Variants in TRAF5 observed in about 807,000 individuals in gnomAD.
TRAF5 encodes the protein TNF receptor associated factor 5.
A neutral mutation model predicts 64.5 loss-of-function variants in TRAF5; 48 were observed. The ratio of observed to expected loss-of-function variants is 0.74; its 90% confidence interval spans 0.59 to 0.95. The LOEUF (loss-of-function observed/expected upper bound fraction) is 0.95, where lower values mean the gene tolerates loss of function less well. Among genes scored for constraint, TRAF5 ranks in the 40% least tolerant of loss-of-function variants. TRAF5 has a pLI of 0.00. For synonymous variants in TRAF5, 206 were observed against 240.5 expected (o/e 0.86, Z 1.33); for missense variants, 545 against 662.8 (o/e 0.82, Z 1.95).
At chr1:211,371,704 CAA>C (rs1288277162) in intron 10 of TRAF5, among the ~76,000 whole-genome samples, 1 of 152,046 alleles carries the variant, frequency 6.6e-6, no homozygotes, top group Non-Finnish European at 1.5e-5. Flanking sequence ...AACAGGCCAG[CAA>C]ATTCCAAGAA....
chr1:211,326,819 C>A, upstream of TRAF5: 2 of 984,216 alleles, frequency 2.0e-6, no homozygotes, highest in Non-Finnish European at 2.4e-6. This position sits in a 1 kb window ranked among gnomAD's most constrained non-coding sequence, Gnocchi z 5.0. Context: ...TCGCCGCCGC[C>A]GCCGGCCGCA....
chr1:211,326,739 C>T (rs1364702865), upstream of TRAF5: 10 of 985,620 alleles, frequency 1.0e-5, no homozygotes, highest in African/African-American at 1.7e-5. The surrounding 1 kb of genome is among the most constrained non-coding windows in gnomAD (Gnocchi z 5.0). Flanking sequence ...CCTGCGCGTC[C>T]GCTCTTCCCC....
At chr1:211,350,418 A>G (rs1260101837) in intron 1 of TRAF5, among the ~76,000 whole-genome samples, 2 of 107,988 alleles carry the variant, frequency 1.9e-5, no homozygotes, top group African/African-American at 6.1e-5. Context: ...AAACAAAAAC[A>G]AAAACCCTGT....
intron 1 of TRAF5, among the ~76,000 whole-genome samples, chr1:211,337,425 A>G (rs144303422): frequency 0.014 from 2,135 of 152,294 alleles, 30 homozygotes; most frequent in Non-Finnish European, 0.02. Context: ...GGAAGTAAGG[A>G]CACAGAGAAT....
At chr1:211,337,854 G>T (rs1702344808) in intron 1 of TRAF5, among the ~76,000 whole-genome samples, 1 of 152,178 alleles carries the variant, frequency 6.6e-6, no homozygotes, top group South Asian at 2.1e-4. Context: ...AGCAGGTTGG[G>T]TGGGGATTTG....
intron 1 of TRAF5, among the ~76,000 whole-genome samples, chr1:211,333,491 G>A (rs145479750): frequency 2.7e-5 from 4 of 149,522 alleles, no homozygotes; most frequent in Admixed American, 6.7e-5. Context: ...CGTGAGCCAC[G>A]GTGCCCAGTC....
intron 1 of TRAF5, among the ~76,000 whole-genome samples, chr1:211,346,792 G>A (rs768360212): frequency 5.9e-5 from 9 of 152,180 alleles, no homozygotes; most frequent in East Asian, 1.9e-4. Context: ...AAATGAATCC[G>A]TAGAGATACG....
chr1:211,346,567 A>C (rs1312373189), intron 1 of TRAF5: 2 of 350,860 alleles, frequency 5.7e-6, no homozygotes, highest in Non-Finnish European at 8.0e-6. Flanking sequence ...TATGCACTAT[A>C]ACATAATATA....
chr1:211,360,800 CTG>C, intron 6 of TRAF5, 21 bp downstream of exon 6: 4 of 1,596,366 alleles, frequency 2.5e-6, no homozygotes, highest in Non-Finnish European at 3.4e-6. Context: ...ATAATCCTCT[CTG>C]TAGATTTTAT....
At position 211,371,446 on chromosome 1, in the gene TRAF5, C is replaced by G. The variant is rs752322397; in HGVS notation, c.1075C>G (p.Leu359Val). 23 of 1,606,696 alleles carry G rather than the reference C, an allele frequency of 1.4e-5. No homozygotes were observed. The South Asian group carries it at 2.6e-4, about 18-fold the overall frequency. ...TACAGTGAAACAGAAAATTACCCTG[C>G]TAGAAAACAATGATCAAAGATTAGG... The part of the protein sequence containing the change: ...VDTVKQKITL[L>V]ENNDQRLAVL... The change falls in exon 10 of 11, where the codon CTA (leucine) becomes GTA (valine). Residue 359 changes from leucine (L) to valine (V), a missense_variant. By Grantham distance (32) the Leu-to-Val change is conservative (BLOSUM62 1). Coordinates refer to ENST00000261464, the MANE Select transcript of TRAF5 (RefSeq NM_001033910.3).
chr1:211,365,066 G>T (rs532531249), intron 7 of TRAF5, among the ~76,000 whole-genome samples: 2 of 151,912 alleles, frequency 1.3e-5, no homozygotes, highest in Non-Finnish European at 2.9e-5. Flanking sequence ...CCAGCTACTC[G>T]GGAGGTTGGG....
At chr1:211,365,501 G>A in intron 8 of TRAF5, 33 bp downstream of exon 8, 1 of 1,557,594 alleles carries the variant, frequency 6.4e-7, no homozygotes, top group Non-Finnish European at 8.8e-7. Flanking sequence ...AAAAAGTGAG[G>A]CAACAGAATT....
chr1:211,354,604 A>T, intron 3 of TRAF5, 137 bp downstream of exon 3: 3 of 832,550 alleles, frequency 3.6e-6, no homozygotes, highest in Non-Finnish European at 5.7e-6. Flanking sequence ...CTGTGGGGTC[A>T]CATCAGACCC....
chr1:211,366,290 G>A (rs12734687), intron 8 of TRAF5, among the ~76,000 whole-genome samples: 5,998 of 152,260 alleles, frequency 0.039, 189 homozygotes, highest in South Asian at 0.062. Context: ...AAATTAGGAA[G>A]ACTGATTAAA....
At chr1:211,368,576 G>A (rs1703426915) in intron 8 of TRAF5, among the ~76,000 whole-genome samples, 1 of 152,150 alleles carries the variant, frequency 6.6e-6, no homozygotes, top group African/African-American at 2.4e-5. Flanking sequence ...AAATAATGAA[G>A]ACTGAAACTA....
intron 1 of TRAF5, among the ~76,000 whole-genome samples, chr1:211,341,851 G>A (rs981768831): frequency 2.0e-5 from 3 of 152,198 alleles, no homozygotes; most frequent in Admixed American, 6.5e-5. Context: ...TGTTTAGCGC[G>A]AGATAGTCCA....
Position 211,356,471 on chromosome 1 carries a change from T to G in TRAF5, c.378+3T>G, listed in dbSNP as rs756509186. On this transcript the variant is annotated splice_donor_region_variant and intron_variant, in intron 4 of 10. Coordinates refer to ENST00000261464, the MANE Select transcript of TRAF5 (RefSeq NM_001033910.3). Reference sequence around the variant, plus strand: ...AGGTTATTCTGGGCCGGTACCAGGTTGGTATTACTCATGAACGATATCTGC... The same window carrying G: ...AGGTTATTCTGGGCCGGTACCAGGTGGGTATTACTCATGAACGATATCTGC... 6.2e-7 allele frequency: 1 copy of G among 1,613,594 alleles called. No homozygotes were observed. Among genetic ancestry groups the G allele is most frequent in the Non-Finnish European group, 8.5e-7 (1 of 1,179,640 alleles).
chr1:211,353,298 G>T lies in TRAF5; in HGVS notation c.59G>T (p.Gly20Val). The T allele has an allele frequency of 3.1e-6, 5 of 1,614,244 alleles. No homozygotes were observed. In the Admixed American group the frequency reaches 6.7e-5, roughly 22 times the overall value. The change falls in exon 2 of 11, where the codon GGC becomes GTC. Residue 20 changes from glycine to valine, a missense_variant. Coordinates refer to ENST00000261464, the MANE Select transcript of TRAF5 (RefSeq NM_001033910.3). ...MPCGFIRQNSGNSISLDFEPS... is the reference protein window; with the variant it reads ...MPCGFIRQNSVNSISLDFEPS... ...TGTGGTTTCATCCGCCAGAATTCCG[G>T]CAACTCCATTTCCTTGGACTTTGAG...
At position 211,360,756 on chromosome 1, in the gene TRAF5, G is replaced by T. The variant is rs756166595; in HGVS notation, c.598G>T (p.Ala200Ser). 1.2e-6 allele frequency: 2 copies of T among 1,613,770 alleles called. No individual in the cohort carries two copies. The highest frequency in any genetic ancestry group is 3.3e-5 in the Admixed American group (2 of 59,974). ...EYPVFCPNNCAKIILKTEVDE... is the reference protein window; with the variant it reads ...EYPVFCPNNCSKIILKTEVDE... ...CCCAGTATTTTGTCCCAACAATTGT[G>T]CGAAGATTATTCTAAAAACTGAGGT... is the stretch of plus-strand genomic sequence containing the variant. Residue 200 changes from alanine to serine, a missense_variant, in exon 6 of 11, where the codon GCG becomes TCG. Transcript: ENST00000261464.
Sources: allele counts gnomAD v4.1 joint callset (sites outside exome capture counted in the v4.1 genomes callset), GRCh38; gene constraint gnomAD v4.1.1; non-coding constraint Gnocchi (gnomAD v3.1); transcripts MANE v1.5; gene names NCBI Gene and HGNC (gene_info 2026-07-23, HGNC 2026-07-21).